Variants in RUNX1T1 observed in about 807,000 individuals in gnomAD.
The protein encoded by RUNX1T1 is RUNX1 partner transcriptional co-repressor 1.
Under a neutral mutation model 62.8 loss-of-function variants are expected in RUNX1T1, and 4 were observed. The observed-to-expected ratio is 0.06, with a 90% CI of 0.03 to 0.15. The LOEUF is 0.15. Ranked by LOEUF, RUNX1T1 falls within the 10% of genes least tolerant of loss-of-function variation. The pLI is 1.00. For missense variants in RUNX1T1, 508 were observed against 754.3 expected (o/e 0.67, Z 3.82); for synonymous variants, 291 against 286.0 (o/e 1.02, Z -0.18).
intron 1 of RUNX1T1, among the ~76,000 whole-genome samples, chr8:92,030,172 A>G (rs1825961033): frequency 6.6e-6 from 1 of 152,112 alleles, no homozygotes; most frequent in African/African-American, 2.4e-5. Flanking sequence ...TTACTCAAGG[A>G]AGGCGTCCTT....
chr8:92,071,877 ACT>A (rs1249237211), intron 2 of RUNX1T1, among the ~76,000 whole-genome samples: 2 of 151,582 alleles, frequency 1.3e-5, no homozygotes, highest in African/African-American at 2.4e-5. Flanking sequence ...TTCTCCTCTC[ACT>A]CTCTCTCATT....
Position 92,069,432 on chromosome 8 carries a change from T to G in RUNX1T1, c.88+6533A>C, listed in dbSNP as rs374130956. ...ATAAAAAAAAAAATCCCAGAATTTTTTTCATCATATTTTCTTTCACAGGAC... is the reference window on the plus strand; with the variant it reads ...ATAAAAAAAAAAATCCCAGAATTTTGTTCATCATATTTTCTTTCACAGGAC... On this transcript the variant is annotated intron_variant, in intron 2 of 11. Coordinates refer to the RUNX1T1 transcript ENST00000265814. 3.0e-3 allele frequency among the ~76,000 whole-genome samples: 451 copies of G among 152,236 alleles called. 2 individuals are homozygous for G. Among genetic ancestry groups the G allele is most frequent in the African/African-American group, 0.01 (427 of 41,562 alleles).
intron 1 of RUNX1T1, among the ~76,000 whole-genome samples, chr8:92,018,489 C>T (rs911306150): frequency 2.0e-5 from 3 of 152,026 alleles, no homozygotes; most frequent in African/African-American, 7.2e-5. Context: ...ACACACACAC[C>T]CAACGTATTT....
intron 8 of RUNX1T1, among the ~76,000 whole-genome samples, chr8:91,981,799 C>T (rs748321589): frequency 2.0e-5 from 3 of 152,122 alleles, no homozygotes; most frequent in Non-Finnish European, 4.4e-5. Flanking sequence ...CTGGCAAATA[C>T]TAAACTCTTA....
At chr8:92,009,374 C>T (rs768050299) in intron 4 of RUNX1T1, among the ~76,000 whole-genome samples, 15 of 152,070 alleles carry the variant, frequency 9.9e-5, no homozygotes, top group Admixed American at 7.9e-4. Flanking sequence ...CCCGAGTTCC[C>T]ACAACCATAT....
intron 10 of RUNX1T1, among the ~76,000 whole-genome samples, chr8:91,964,897 CT>C (rs1302059715): frequency 2.0e-5 from 3 of 152,208 alleles, no homozygotes; most frequent in East Asian, 3.8e-4. Flanking sequence ...AACTTCATCA[CT>C]TTGTGGCTTT....
chr8:92,061,699 AAGCAC>A (rs1176861592), intron 1 of RUNX1T1, among the ~76,000 whole-genome samples: 2 of 152,210 alleles, frequency 1.3e-5, no homozygotes, highest in Non-Finnish European at 2.9e-5. Flanking sequence ...CTCTGTGACC[AAGCAC>A]AGCCTCTTCT....
chr8:92,015,775 T>C (rs1324329229), intron 2 of RUNX1T1, among the ~76,000 whole-genome samples: 1 of 152,226 alleles, frequency 6.6e-6, no homozygotes, highest in Non-Finnish European at 1.5e-5. Context: ...AAAGACCATG[T>C]TATGCTTAAA....
intron 7 of RUNX1T1, 102 bp downstream of exon 8, chr8:91,986,785 A>C: frequency 1.3e-6 from 1 of 772,414 alleles, no homozygotes; most frequent in East Asian, 2.5e-5. Flanking sequence ...AGCAGGAAAA[A>C]CAATGCCTTC....
At chr8:92,039,060 C>T (rs1428507723) in intron 1 of RUNX1T1, among the ~76,000 whole-genome samples, 1 of 152,074 alleles carries the variant, frequency 6.6e-6, no homozygotes, top group Non-Finnish European at 1.5e-5. Context: ...TTGCAATCCA[C>T]CACAAAAAAG....
chr8:92,068,425 C>T (rs998558435), intron 2 of RUNX1T1, among the ~76,000 whole-genome samples: 3 of 152,152 alleles, frequency 2.0e-5, no homozygotes, highest in East Asian at 3.9e-4. Flanking sequence ...AGACAAAAAC[C>T]TGCAGCTCTG....
chr8:91,980,695 A>G (rs2130762334), intron 8 of RUNX1T1, among the ~76,000 whole-genome samples: 1 of 152,266 alleles, frequency 6.6e-6, no homozygotes, highest in Non-Finnish European at 1.5e-5. Context: ...ATTTTGAGAC[A>G]AGGTCTTGCT....
intron 5 of RUNX1T1, among the ~76,000 whole-genome samples, chr8:91,993,777 A>G (rs1396587671): frequency 1.3e-5 from 2 of 152,094 alleles, no homozygotes; most frequent in Non-Finnish European, 2.9e-5. Context: ...GGATCACCTG[A>G]GGTCAGGAAT....
chr8:92,033,985 T>G (rs1192383738), intron 1 of RUNX1T1, among the ~76,000 whole-genome samples: 1 of 152,012 alleles, frequency 6.6e-6, no homozygotes, highest in African/African-American at 2.4e-5. Context: ...AAAAAATTTT[T>G]TTTTTAAATT....
intron 9 of RUNX1T1, among the ~76,000 whole-genome samples, chr8:91,974,223 T>C (rs1200379223): frequency 6.6e-6 from 1 of 152,112 alleles, no homozygotes; most frequent in East Asian, 1.9e-4. Context: ...GGAAAATACA[T>C]AGTGCAGTTT....
At chr8:92,020,825 C>CTTT (rs372324370) in intron 1 of RUNX1T1, among the ~76,000 whole-genome samples, 5 of 130,670 alleles carry the variant, frequency 3.8e-5, no homozygotes, top group South Asian at 2.5e-4. Flanking sequence ...TTCCCATTTC[C>CTTT]TTTTTTTTTT....
At chr8:92,068,715 A>G (rs758971809) in intron 2 of RUNX1T1, among the ~76,000 whole-genome samples, 114 of 152,308 alleles carry the variant, frequency 7.5e-4, no homozygotes, top group South Asian at 1.9e-3. Context: ...GAAAAAAAGA[A>G]TAACCTAAGG....
chr8:92,047,408 C>T (rs1268423744), intron 1 of RUNX1T1, among the ~76,000 whole-genome samples: 1 of 152,114 alleles, frequency 6.6e-6, no homozygotes, highest in African/African-American at 2.4e-5. Flanking sequence ...CCTCCTTATC[C>T]TGATTTTCCA....
chr8:92,049,194 A>C (rs1829871105), intron 1 of RUNX1T1, among the ~76,000 whole-genome samples: 2 of 152,196 alleles, frequency 1.3e-5, no homozygotes, highest in African/African-American at 4.8e-5. Context: ...ATGGCCTACA[A>C]AGTTTCACAA....
Sources: gnomAD v4.1 joint callset for allele counts (sites outside exome capture counted in the v4.1 genomes callset) on GRCh38, gnomAD v4.1.1 for gene constraint, MANE v1.5 for transcripts, NCBI Gene and HGNC (gene_info 2026-07-23, HGNC 2026-07-21) for gene names.